Variants in PCDHGB5 observed in about 807,000 individuals in gnomAD.
PCDHGB5 encodes protocadherin gamma subfamily B, 5.
Under a neutral mutation model 62.9 loss-of-function variants are expected in PCDHGB5, and 48 were observed. The observed-to-expected ratio is 0.76, with a 90% CI of 0.61 to 0.97. The LOEUF (loss-of-function observed/expected upper bound fraction) is 0.97. Among genes scored for constraint, PCDHGB5 ranks in the 50% least tolerant of loss-of-function variants. The pLI, the probability that PCDHGB5 is intolerant of heterozygous loss-of-function variation, is 0.00. For missense variants in PCDHGB5, 1,118 were observed against 1,198.6 expected (o/e 0.93, Z 0.99); for synonymous variants, 474 against 511.2 (o/e 0.93, Z 0.98).
chr5:141,469,036 G>T (rs1396748159), intron 1 of PCDHGB5, among the ~76,000 whole-genome samples: 2 of 152,076 alleles, frequency 1.3e-5, no homozygotes, highest in Non-Finnish European at 2.9e-5. Flanking sequence ...CAGCACTTTG[G>T]GAGGCCAAGG....
intron 1 of PCDHGB5, among the ~76,000 whole-genome samples, chr5:141,472,405 G>A (rs1207849470): frequency 6.6e-6 from 1 of 152,086 alleles, no homozygotes; most frequent in Non-Finnish European, 1.5e-5. Flanking sequence ...GCCAGGCGTG[G>A]TGGCACGCAC....
intron 3 of PCDHGB5, among the ~76,000 whole-genome samples, chr5:141,510,566 A>G (rs2154594633): frequency 6.6e-6 from 1 of 152,288 alleles, no homozygotes; most frequent in South Asian, 2.1e-4. Flanking sequence ...TACATCTACC[A>G]GGCACTATTT....
In PCDHGB5 at chr5:141,423,465, G is replaced by A. The variant is rs762995150; in HGVS notation, c.2397+22941G>A. On this transcript the variant is annotated intron_variant, in intron 1 of 3. Coordinates refer to ENST00000617380, the MANE Select transcript of PCDHGB5 (RefSeq NM_018925.3). ...CGTCACATTTTGTAGGCGTGGACGG[G>A]GTACAGGCTTTCCTGCAAACCTATT... The A allele has an allele frequency of 2.6e-5, 42 of 1,614,006 alleles. 1 individual carries two copies. The Middle Eastern group carries it at 1.5e-3, about 57-fold the overall frequency.
intron 1 of PCDHGB5, among the ~76,000 whole-genome samples, chr5:141,484,723 G>T (rs930331672): frequency 1.3e-5 from 2 of 151,930 alleles, no homozygotes; most frequent in Non-Finnish European, 2.9e-5. Flanking sequence ...AAGGGGCGGG[G>T]TCAGTCGGTG....
At chr5:141,436,173 A>T (rs556225963) in intron 1 of PCDHGB5, among the ~76,000 whole-genome samples, 1 of 152,302 alleles carries the variant, frequency 6.6e-6, no homozygotes, top group East Asian at 1.9e-4. Context: ...GACAGTTCTC[A>T]TATATAGTCA....
chr5:141,450,052 G>C (rs2098667259), intron 1 of PCDHGB5, among the ~76,000 whole-genome samples: 1 of 141,832 alleles, frequency 7.1e-6, no homozygotes, highest in African/African-American at 2.7e-5. Flanking sequence ...TTTCGCCCAG[G>C]CTGGAATGCA....
intron 1 of PCDHGB5, among the ~76,000 whole-genome samples, chr5:141,446,323 A>G (rs1372501599): frequency 6.6e-6 from 1 of 152,216 alleles, no homozygotes. Flanking sequence ...GGGTTTCCAC[A>G]TTAAGGAACT....
intron 1 of PCDHGB5, chr5:141,414,828 G>A (rs780047810): frequency 1.4e-5 from 22 of 1,614,092 alleles, no homozygotes; most frequent in Non-Finnish European, 1.8e-5. Flanking sequence ...GCAACGTGTC[G>A]TTGAGCCTGT....
intron 1 of PCDHGB5, among the ~76,000 whole-genome samples, chr5:141,457,187 G>A (rs1314148733): frequency 1.3e-5 from 2 of 152,210 alleles, no homozygotes; most frequent in Admixed American, 1.3e-4. Flanking sequence ...ATAGTAGAGT[G>A]AGGAAAGCAG....
intron 1 of PCDHGB5, chr5:141,405,066 T>G: frequency 1.2e-6 from 2 of 1,613,866 alleles, no homozygotes; most frequent in South Asian, 2.2e-5. Context: ...TGTGTCTTCC[T>G]CACCTTCGTT....
intron 1 of PCDHGB5, among the ~76,000 whole-genome samples, chr5:141,439,380 G>C (rs1324859898): frequency 6.6e-6 from 1 of 152,158 alleles, no homozygotes; most frequent in East Asian, 1.9e-4. Flanking sequence ...ATAAAAATAA[G>C]TCATCACTTC....
At position 141,486,811 on chromosome 5, in the gene PCDHGB5, C is replaced by A. The variant is rs2099635196; in HGVS notation, c.2398-7996C>A. On this transcript the variant is annotated intron_variant, in intron 1 of 3. Coordinates refer to ENST00000617380, the MANE Select transcript of PCDHGB5 (RefSeq NM_018925.3). The surrounding 1 kb of genome is among the most constrained non-coding windows in gnomAD (Gnocchi z 5.0). ...GGGATCGGGGCAACCCACCCCTTAG[C>A]AGCACTGTAACAGTTCGTCTATTTG... The A allele has an allele frequency of 1.2e-6, 2 of 1,614,124 alleles. No homozygotes were observed. The highest frequency in any genetic ancestry group is 2.2e-5 in the East Asian group (1 of 44,900).
Position 141,476,072 on chromosome 5 carries a change from C to A in PCDHGB5, c.2398-18735C>A. 1.3e-6 allele frequency: 2 copies of A among 1,523,462 alleles called. No individual in the cohort carries two copies. The highest frequency in any genetic ancestry group is 1.3e-5 in the South Asian group (1 of 77,998). 94.4% of individuals were successfully genotyped at this position (1,523,462 alleles called of 1,614,324 possible). The stretch of plus-strand genomic sequence containing the variant: ...CGCTGAAAGTTTCTCAGCGAAATCT[C>A]AGGGACGATCTGGACCCCGCTGAGA... On this transcript the variant is annotated intron_variant, in intron 1 of 3. Coordinates refer to ENST00000617380, the MANE Select transcript of PCDHGB5 (RefSeq NM_018925.3). The surrounding 1 kb of genome is among the most constrained non-coding windows in gnomAD (Gnocchi z 7.6).
chr5:141,505,602 A>G lies in PCDHGB5; in HGVS notation c.2545+121A>G, dbSNP rs1041288927. 4.6e-5 allele frequency: 71 copies of G among 1,534,990 alleles called. 1 individual carries two copies. In the Admixed American group the frequency reaches 1.4e-3, roughly 30 times the overall value. On this transcript the variant is annotated intron_variant, in intron 3 of 3. Coordinates refer to ENST00000617380, the MANE Select transcript of PCDHGB5 (RefSeq NM_018925.3). ...GTGTAGTTTCTCCAGATCTTTCGGC[A>G]GGTCTGAAAGGACCCACAATTCCAA...
At chr5:141,450,702 G>A (rs1466981422) in intron 1 of PCDHGB5, among the ~76,000 whole-genome samples, 1 of 152,026 alleles carries the variant, frequency 6.6e-6, no homozygotes, top group Non-Finnish European at 1.5e-5. Flanking sequence ...GCCCAGGATG[G>A]TCTCCAACTC....
At chr5:141,442,029 A>C in intron 1 of PCDHGB5, 1 of 210,292 alleles carries the variant, frequency 4.8e-6, no homozygotes, top group Non-Finnish European at 9.8e-6. Context: ...CAGGAAAGCG[A>C]CTCGCCAGCG....
chr5:141,398,842 C>T lies in PCDHGB5; in HGVS notation c.715C>T (p.Pro239Ser), dbSNP rs2093712910. The change falls in exon 1 of 4, where the codon CCC (proline) becomes TCC (serine). Residue 239 changes from proline to serine, a missense_variant. Physicochemically the swap from Pro to Ser is moderately conservative, Grantham distance 74 (BLOSUM62 -1). Around this residue, in one of 2 missense-constraint regions of PCDHGB5, gnomAD observed 1,034 missense variants for 1,029.1 expected, o/e 1.00. Transcript: ENST00000617380. ...CCAGGTAACCGACGCCAATGATAAT[C>T]CCCCGGTATTCAACCGAGACGTGTA... ...RIQVTDANDNPPVFNRDVYRV... is the reference protein window; with the variant it reads ...RIQVTDANDNSPVFNRDVYRV... The T allele has an allele frequency of 1.2e-6, 2 of 1,613,974 alleles. No individual in the cohort carries two copies. The highest frequency in any genetic ancestry group is 1.7e-6 in the Non-Finnish European group (2 of 1,179,896).
At chr5:141,417,941 A>T (rs1319967892) in intron 1 of PCDHGB5, 1 of 1,612,890 alleles carries the variant, frequency 6.2e-7, no homozygotes, top group South Asian at 1.1e-5. Context: ...GTTCTACCCC[A>T]CGCTGTGTGA....
chr5:141,405,090 C>A, intron 1 of PCDHGB5: 1 of 1,613,950 alleles, frequency 6.2e-7, no homozygotes, highest in Non-Finnish European at 8.5e-7. Flanking sequence ...ACGCTGCTGG[C>A]CCTCAGGCTG....
Sources: allele counts gnomAD v4.1 joint callset (sites outside exome capture counted in the v4.1 genomes callset), GRCh38; gene constraint gnomAD v4.1.1; regional missense constraint gnomAD v4.1.1; non-coding constraint Gnocchi (gnomAD v3.1); transcripts MANE v1.5; gene names NCBI Gene and HGNC (gene_info 2026-07-23, HGNC 2026-07-21).